ZNF585B: variants seen among roughly 807,000 people sequenced by gnomAD.
The protein encoded by ZNF585B is zinc finger protein 41-like protein.
ZNF585B carries 7 observed loss-of-function variants against 14.0 expected under a neutral mutation model. The ratio of observed to expected loss-of-function variants is 0.50; its 90% CI spans 0.28 to 0.94. ZNF585B has a LOEUF of 0.94. Among genes scored for constraint, ZNF585B ranks in the 40% least tolerant of loss-of-function variants. The probability of loss-of-function intolerance (pLI) is 0.09; values close to 1 mark genes in which losing one functional copy is unlikely to be tolerated. For synonymous variants in ZNF585B, 290 were observed against 317.3 expected (o/e 0.91, Z 0.91); for missense variants, 750 against 924.4 (o/e 0.81, Z 2.45).
rs557232494 is a variant in ZNF585B, at chr19:37,183,023, G to A, written c.*2204C>T. On this transcript the variant is annotated 3_prime_UTR_variant, in exon 5 of 5. Transcript: ENST00000532828. Reference sequence around the variant, plus strand: ...GTGGATTGGGTTCTGGAGTAAATGCGGCTCTGTCGAGTTGCAACTGAGACA... The same window carrying A: ...GTGGATTGGGTTCTGGAGTAAATGCAGCTCTGTCGAGTTGCAACTGAGACA... The A allele has an allele frequency of 9.2e-5, 14 of 152,340 alleles. No homozygotes were observed. The highest frequency in any genetic ancestry group is 3.4e-4 in the African/African-American group (14 of 41,554). 9.4% of individuals were successfully genotyped at this position (152,340 alleles called of 1,614,324 possible). A position where few individuals can be genotyped will look rare whatever the true frequency, so the allele number is the denominator to read the frequency against.
intron 2 of ZNF585B, chr19:37,198,988 T>G: frequency 6.5e-7 from 1 of 1,530,882 alleles, no homozygotes; most frequent in East Asian, 2.5e-5. Flanking sequence ...GTTTGTCTCT[T>G]GTGATGCATA....
rs1469430006 is a variant in ZNF585B at position 37,191,528 on chromosome 19, G to C, written c.73-1378C>G. ...AGCTATTTGGGAGGCTGAGGAGGGA[G>C]AATCACTTGAACTTGGGAGGTGGAG... On this transcript the variant is annotated intron_variant, in intron 2 of 4. Transcript: ENST00000532828. Among the ~76,000 whole-genome samples the C allele has an allele frequency of 7.9e-5, 12 of 151,670 alleles. 1 individual carries two copies. The highest frequency in any genetic ancestry group is 7.2e-4 in the Admixed American group (11 of 15,212).
chr19:37,201,794 A>G (rs1972533068), intron 2 of ZNF585B, among the ~76,000 whole-genome samples: 2 of 152,298 alleles, frequency 1.3e-5, no homozygotes, highest in African/African-American at 4.8e-5. Flanking sequence ...CTTTTTTTCT[A>G]GATTTTTAAA....
chr19:37,189,484 G>A, intron 4 of ZNF585B, 177 bp downstream of exon 4: 1 of 620,520 alleles, frequency 1.6e-6, no homozygotes, highest in South Asian at 2.0e-5. Context: ...AACAAGGAAG[G>A]TCATCCAGGT....
Position 37,184,409 on chromosome 19 carries a change from AAAGAAAG to A in ZNF585B, c.*811_*817del, listed in dbSNP as rs1568504794. 2.1e-3 allele frequency: 122 copies of A among 57,238 alleles called. 6 individuals are homozygous for A. The highest frequency in any genetic ancestry group is 0.011 in the South Asian group (17 of 1,510). 3.5% of individuals were successfully genotyped at this position (57,238 alleles called of 1,614,324 possible). A position where few individuals can be genotyped will look rare whatever the true frequency, so the allele number is the denominator to read the frequency against. On this transcript the variant is annotated 3_prime_UTR_variant, in exon 5 of 5. Transcript: ENST00000532828. ...GAAAGAAAGAAAGAAAGAAAGAAAG[AAAGAAAG>A]AGAAAGAAAGAAAAAGAAAGAAAGA...
Position 37,190,104 on chromosome 19 carries a change from T to A in ZNF585B, c.119A>T (p.Glu40Val), listed in dbSNP as rs1318507931. Reference protein sequence around the residue: ...RDVAIDFSREEWRHLDLSQRN... With the variant: ...RDVAIDFSREVWRHLDLSQRN... ...CTGAGAAAGGTCCAGGTGCCGCCAT[T>A]CCTCTCTGCTGAAATCGATAGCCAC... is the stretch of plus-strand genomic sequence containing the variant. The change falls in exon 3 of 5, where the codon GAA (glutamate) becomes GTA (valine). Residue 40 changes from glutamate to valine, a missense_variant. Coordinates refer to ENST00000532828, the MANE Select transcript of ZNF585B (RefSeq NM_152279.4). The A allele has an allele frequency of 3.1e-6, 5 of 1,614,028 alleles. No homozygotes were observed. The highest frequency in any genetic ancestry group is 4.2e-6 in the Non-Finnish European group (5 of 1,180,032).
At chr19:37,195,166 G>A (rs1972448742) in intron 2 of ZNF585B, among the ~76,000 whole-genome samples, 1 of 151,464 alleles carries the variant, frequency 6.6e-6, no homozygotes, top group East Asian at 1.9e-4. Context: ...CCAACATAGT[G>A]AAACCCCATC....
rs990137903 is a variant in ZNF585B, at chr19:37,186,704, G to C, written c.833C>G (p.Ala278Gly). Reference protein sequence around the residue: ...RSYICIECGQAFIQKTQLIAH... With the variant: ...RSYICIECGQGFIQKTQLIAH... The stretch of plus-strand genomic sequence containing the variant: ...AATCAATTGTGTTTTCTGGATGAAG[G>C]CCTGCCCGCATTCAATACAGATGTA... Residue 278 changes from alanine (A) to glycine (G), a missense_variant, in exon 5 of 5, where the codon GCC becomes GGC. Transcript: ENST00000532828. The C allele has an allele frequency of 6.2e-7, 1 of 1,614,018 alleles. No individual in the cohort carries two copies. Among genetic ancestry groups the C allele is most frequent in the African/African-American group, 1.3e-5 (1 of 74,904 alleles).
chr19:37,205,440 T>C (rs1008583541), intron 2 of ZNF585B, among the ~76,000 whole-genome samples: 2 of 152,232 alleles, frequency 1.3e-5, no homozygotes, highest in Admixed American at 1.3e-4. Flanking sequence ...TTGTTCATAA[T>C]AGTTTCTGTA....
chr19:37,209,149 G>A (rs563519774), intron 1 of ZNF585B, among the ~76,000 whole-genome samples: 33 of 152,024 alleles, frequency 2.2e-4, no homozygotes, highest in Admixed American at 9.8e-4. Flanking sequence ...TTGTCGCCCC[G>A]GCTGGAGTGC....
At chr19:37,195,345 CA>C (rs71177429) in intron 2 of ZNF585B, among the ~76,000 whole-genome samples, 1,904 of 14,032 alleles carry the variant, frequency 0.14, 5 homozygotes, top group Non-Finnish European at 0.14. Flanking sequence ...GACTCTGACT[CA>C]AAAAAAAAAA....
At position 37,207,304 on chromosome 19, in the gene ZNF585B, T is replaced by A. The variant is rs551200131; in HGVS notation, c.-143-50A>T. 9.6e-6 allele frequency: 13 copies of A among 1,351,932 alleles called. No individual in the cohort carries two copies. The African/African-American group carries it at 1.8e-4, about 18-fold the overall frequency. 83.7% of individuals were successfully genotyped at this position (1,351,932 alleles called of 1,614,324 possible). A position where few individuals can be genotyped will look rare whatever the true frequency, so the allele number is the denominator to read the frequency against. The stretch of plus-strand genomic sequence containing the variant: ...CATTCAACATTCACTACATAAACAC[T>A]TCCTGGATACACCAAGGTGCAGGTC... On this transcript the variant is annotated intron_variant, in intron 1 of 4. Transcript: ENST00000532828.
chr19:37,208,932 CA>C (rs758857563), intron 1 of ZNF585B, among the ~76,000 whole-genome samples: 18 of 151,740 alleles, frequency 1.2e-4, no homozygotes, highest in Non-Finnish European at 2.5e-4. Context: ...GCAGAGGTTG[CA>C]ATGAGCGGAG....
chr19:37,207,605 C>G (rs1264803953), intron 1 of ZNF585B, among the ~76,000 whole-genome samples: 1 of 152,098 alleles, frequency 6.6e-6, no homozygotes. Flanking sequence ...GCAGCTGTAC[C>G]ACTTTTCAAC....
chr19:37,186,914 T>C lies in ZNF585B; in HGVS notation c.623A>G (p.His208Arg). 6.2e-7 allele frequency: 1 copy of C among 1,614,172 alleles called. No homozygotes were observed. The highest frequency in any genetic ancestry group is 8.5e-7 in the Non-Finnish European group (1 of 1,180,018). Residue 208 changes from histidine to arginine, a missense_variant, in exon 5 of 5, where the codon CAT (histidine) becomes CGT (arginine). His to Arg is a conservative substitution (Grantham distance 29). Transcript: ENST00000532828. ...VSSLFRHHRI[H>R]TGEKLYECSE... ...ACATTCATATAGTTTTTCTCCGGTA[T>C]GAATTCTGTGATGCCTGAAAAGAGA...
chr19:37,206,899 C>G, intron 2 of ZNF585B, 141 bp downstream of exon 2: 1 of 1,063,246 alleles, frequency 9.4e-7, no homozygotes, highest in Non-Finnish European at 1.4e-6. Context: ...ACAGGAAGAT[C>G]AAGTTTTCTT....
chr19:37,194,331 T>C (rs1353805739), intron 2 of ZNF585B, among the ~76,000 whole-genome samples: 1 of 152,154 alleles, frequency 6.6e-6, no homozygotes, highest in Non-Finnish European at 1.5e-5. Context: ...AGAAAAGTAT[T>C]GGCTGGGTGC....
Position 37,184,356 on chromosome 19 carries a change from A to AAAAGAAAGAAAGAAAT in ZNF585B, c.*870_*871insATTTCTTTCTTTCTTT, listed in dbSNP as rs1972294060. The AAAAGAAAGAAAGAAAT allele has an allele frequency of 1.2e-5, 1 of 84,284 alleles. No homozygotes were observed. Among genetic ancestry groups the AAAAGAAAGAAAGAAAT allele is most frequent in the Non-Finnish European group, 2.3e-5 (1 of 42,920 alleles). The allele number at this position is 84,284 out of a possible 1,614,324, so 5.2% of individuals were successfully genotyped here. A position where few individuals can be genotyped will look rare whatever the true frequency, so the allele number is the denominator to read the frequency against. ...CGACAGAGCAAGACTCTGTCTCAAA[A>AAAAGAAAGAAAGAAAT]AAAGAAAGAAAGAAAGAAAGAAAGA... On this transcript the variant is annotated 3_prime_UTR_variant, in exon 5 of 5. Coordinates refer to ENST00000532828, the MANE Select transcript of ZNF585B (RefSeq NM_152279.4).
chr19:37,193,636 C>T (rs1467731198), intron 2 of ZNF585B, among the ~76,000 whole-genome samples: 1 of 151,842 alleles, frequency 6.6e-6, no homozygotes, highest in Non-Finnish European at 1.5e-5. Flanking sequence ...AAAAATTAGC[C>T]ATGCCTGGTG....
Sources: gnomAD v4.1 joint callset for allele counts (sites outside exome capture counted in the v4.1 genomes callset) on GRCh38, gnomAD v4.1.1 for gene constraint, MANE v1.5 for transcripts, NCBI Gene and HGNC (gene_info 2026-07-23, HGNC 2026-07-21) for gene names.